REPS2: variants seen among roughly 807,000 people sequenced by gnomAD.
REPS2 encodes the protein RALBP1 associated Eps domain containing 2, also known as ralBP1-associated Eps domain-containing protein 2.
REPS2 carries 23 observed loss-of-function variants against 53.6 expected under a neutral mutation model. The ratio of observed to expected loss-of-function variants is 0.43; its 90% CI spans 0.31 to 0.61. The LOEUF is 0.61. Ranked by LOEUF, REPS2 falls within the 20% of genes least tolerant of loss-of-function variation. The probability of loss-of-function intolerance (pLI) is 0.11; values close to 1 mark genes in which losing one functional copy is unlikely to be tolerated. For missense variants in REPS2, 446 were observed against 534.9 expected, an observed-to-expected ratio of 0.83 and a Z score of 1.64; for synonymous variants, 238 against 218.6, an observed-to-expected ratio of 1.09 and a Z score of -0.78.
At chrX:17,058,680 A>G (rs1387705614) in intron 8 of REPS2, among the ~76,000 whole-genome samples, 1 of 111,472 alleles carries the variant, frequency 9.0e-6, no homozygotes, top group African/African-American at 3.3e-5. Context: ...TTATACAGGA[A>G]CAAGGGAAGA....
chrX:17,016,583 T>C (rs1430162617), intron 2 of REPS2, among the ~76,000 whole-genome samples: 12 of 109,970 alleles, frequency 1.1e-4, no homozygotes, highest in African/African-American at 4.0e-4. Context: ...CTAATTTTTG[T>C]ATTTTAGTAG....
chrX:17,190,220 G>A, the REPS2 span, among the ~76,000 whole-genome samples: 8 of 111,982 alleles, frequency 7.1e-5, no homozygotes, highest in East Asian at 2.2e-3. Flanking sequence ...TACAGAAGAC[G>A]TTATTATGTG....
At chrX:17,171,361 T>C in the REPS2 span, among the ~76,000 whole-genome samples, 7 of 111,736 alleles carry the variant, frequency 6.3e-5, no homozygotes, top group African/African-American at 2.3e-4. Flanking sequence ...AATGGCCAGT[T>C]CCAACCACCC....
intron 17 of REPS2, among the ~76,000 whole-genome samples, chrX:17,140,735 ATATTATTATTATTATTATTATTATTAT>A (rs199967140): frequency 2.2e-5 from 2 of 89,656 alleles, no homozygotes; most frequent in African/African-American, 8.2e-5. Flanking sequence ...GCATGCACAA[ATATTATTATTATTATTATTATTATTAT>A]TATTATTATT....
At chrX:17,004,144 G>T (rs370804284) in intron 1 of REPS2, among the ~76,000 whole-genome samples, 1 of 111,503 alleles carries the variant, frequency 9.0e-6, no homozygotes, top group Non-Finnish European at 1.9e-5. Context: ...AGTGTTACAG[G>T]TTTGGAGTTT....
At chrX:16,972,196 TC>T (rs1177419375) in intron 1 of REPS2, among the ~76,000 whole-genome samples, 1 of 112,126 alleles carries the variant, frequency 8.9e-6, no homozygotes, top group Non-Finnish European at 1.9e-5. Flanking sequence ...TTTTATGGAT[TC>T]TTTTAAAAAG....
chrX:17,014,941 C>T (rs2061470390), intron 2 of REPS2, among the ~76,000 whole-genome samples: 1 of 113,264 alleles, frequency 8.8e-6, no homozygotes, highest in South Asian at 3.5e-4. Context: ...GTAGTATAGC[C>T]TTGTGGCTGG....
At chrX:17,180,559 C>T in the REPS2 span, among the ~76,000 whole-genome samples, 2 of 111,039 alleles carry the variant, frequency 1.8e-5, no homozygotes, top group African/African-American at 6.6e-5. Flanking sequence ...ACCTGAAAAA[C>T]ATAGTCCAAC....
chrX:17,086,000 A>G (rs187164138), intron 13 of REPS2, among the ~76,000 whole-genome samples: 25 of 112,119 alleles, frequency 2.2e-4, no homozygotes, highest in African/African-American at 6.8e-4. Context: ...TCAGAATTCA[A>G]TCGAGGGCTA....
intron 2 of REPS2, among the ~76,000 whole-genome samples, chrX:17,018,851 C>G (rs912043272): frequency 9.1e-6 from 1 of 110,346 alleles, no homozygotes; most frequent in East Asian, 2.8e-4. Flanking sequence ...GTTTCACTGT[C>G]ACCCAGGCTG....
At chrX:17,090,390 G>A (rs985595315) in intron 13 of REPS2, among the ~76,000 whole-genome samples, 1 of 111,370 alleles carries the variant, frequency 9.0e-6, no homozygotes, top group South Asian at 3.8e-4. Flanking sequence ...AAAACCATCA[G>A]ATCTTGTGAG....
At chrX:16,955,376 A>G (rs943847306) in intron 1 of REPS2, among the ~76,000 whole-genome samples, 2 of 111,523 alleles carry the variant, frequency 1.8e-5, no homozygotes, top group Admixed American at 1.9e-4. Context: ...CTATTGCTCT[A>G]TAATGAATTA....
intron 2 of REPS2, among the ~76,000 whole-genome samples, chrX:17,021,619 G>A (rs764360487): frequency 1.8e-5 from 2 of 112,800 alleles, no homozygotes; most frequent in South Asian, 7.2e-4. Flanking sequence ...CAGATGAGTT[G>A]TGTGATCCTG....
chrX:17,096,736 A>T (rs1386903098), intron 13 of REPS2, among the ~76,000 whole-genome samples: 2 of 110,021 alleles, frequency 1.8e-5, no homozygotes, highest in African/African-American at 6.6e-5. Context: ...AATGAAAAAA[A>T]CATTTTCAAA....
chrX:17,102,053 G>T lies in REPS2; in HGVS notation c.1517-1665G>T, dbSNP rs769692665. Among the ~76,000 whole-genome samples the T allele has an allele frequency of 6.8e-4, 54 of 79,621 alleles. No homozygotes were observed. The South Asian group carries it at 0.024, about 36-fold the overall frequency. The allele number at this position is 79,621 out of a possible 115,157, so 69.1% of individuals were successfully genotyped here. On this transcript the variant is annotated intron_variant, in intron 13 of 17. Coordinates refer to ENST00000357277, the MANE Select transcript of REPS2 (RefSeq NM_004726.3). ...TTTATGTTATGTTATGTTATGTTATGTTATGTTATGTTATGTTATGTTATG... is the reference window on the plus strand; with the variant it reads ...TTTATGTTATGTTATGTTATGTTATTTTATGTTATGTTATGTTATGTTATG...
At chrX:17,068,244 G>C (rs2147970352) in intron 9 of REPS2, among the ~76,000 whole-genome samples, 158 bp from the exon 10 acceptor site, 1 of 110,697 alleles carries the variant, frequency 9.0e-6, no homozygotes, top group African/African-American at 3.3e-5. Context: ...AACCCGGGAG[G>C]TGGAGCTTGC....
chrX:16,965,104 T>C (rs1460463749), intron 1 of REPS2, among the ~76,000 whole-genome samples: 1 of 66,408 alleles, frequency 1.5e-5, no homozygotes, highest in Non-Finnish European at 2.9e-5. Context: ...CCCCCCCACC[T>C]CCCTCCCGGA....
At chrX:16,998,542 A>G (rs2061260973) in intron 1 of REPS2, among the ~76,000 whole-genome samples, 1 of 111,999 alleles carries the variant, frequency 8.9e-6, no homozygotes, top group Non-Finnish European at 1.9e-5. Context: ...ATTGGCACAT[A>G]AAGAGCTTCT....
At chrX:16,964,024 T>TTTATTA (rs749009062) in intron 1 of REPS2, among the ~76,000 whole-genome samples, 7 of 109,111 alleles carry the variant, frequency 6.4e-5, no homozygotes, top group Non-Finnish European at 1.1e-4. Flanking sequence ...TTAATTTAAT[T>TTTATTA]TTATTATTAT....
Sources: gnomAD v4.1 joint callset for allele counts (sites outside exome capture counted in the v4.1 genomes callset) on GRCh38, gnomAD v4.1.1 for gene constraint, MANE v1.5 for transcripts, NCBI Gene and HGNC (gene_info 2026-07-23, HGNC 2026-07-21) for gene names.